The following EVI5 variants were observed in gnomAD, a reference collection of about 807,000 sequenced individuals.
The protein encoded by EVI5 is ecotropic viral integration site 5, also known as ecotropic viral integration site 5 protein homolog.
A neutral mutation model predicts 112.0 loss-of-function variants in EVI5; 73 were observed. The observed-to-expected ratio is 0.65, with a 90% CI of 0.54 to 0.79. EVI5 has a LOEUF of 0.79. Ranked by LOEUF, EVI5 falls within the 30% of genes least tolerant of loss-of-function variation. The pLI is 0.00. For missense variants in EVI5, 900 were observed against 968.8 expected (o/e 0.93, Z 0.94); for synonymous variants, 305 against 319.9 (o/e 0.95, Z 0.50).
At chr1:92,615,276 T>C (rs569415052) in intron 16 of EVI5, among the ~76,000 whole-genome samples, 44 of 152,156 alleles carry the variant, frequency 2.9e-4, no homozygotes, top group African/African-American at 8.4e-4. Flanking sequence ...ACTGGACAAA[T>C]TGATGAAAGA....
Position 92,636,396 on chromosome 1 carries a change from AAAC to A in EVI5, c.1393-63_1393-61del, listed in dbSNP as rs1658840746. The A allele has an allele frequency of 6.4e-6, 9 of 1,411,620 alleles. No individual in the cohort carries two copies. The Admixed American group carries it at 9.2e-5, about 14-fold the overall frequency. The allele number at this position is 1,411,620 out of a possible 1,614,324, so 87.4% of individuals were successfully genotyped here. A position where few individuals can be genotyped will look rare whatever the true frequency, so the allele number is the denominator to read the frequency against. On this transcript the variant is annotated intron_variant, in intron 13 of 19. Coordinates refer to ENST00000684568, the MANE Select transcript of EVI5 (RefSeq NM_001350197.2). The stretch of plus-strand genomic sequence containing the variant: ...AAGTATAAACATGTATATACAATAA[AAAC>A]AATGCAACCACATAATACAGTTATA...
At position 92,543,147 on chromosome 1, in the gene EVI5, C is replaced by G. The variant is rs959468271; in HGVS notation, c.2166+20495G>C. 4.6e-5 allele frequency among the ~76,000 whole-genome samples: 7 copies of G among 152,310 alleles called. No homozygotes were observed. The South Asian group carries it at 8.3e-4, about 18-fold the overall frequency. Reference sequence around the variant, plus strand: ...GGAAAGCCATAGAGGGCATCTTCCTCCGGTATAAGACTGTTGCATCTACAT... The same window carrying G: ...GGAAAGCCATAGAGGGCATCTTCCTGCGGTATAAGACTGTTGCATCTACAT... On this transcript the variant is annotated intron_variant, in intron 19 of 19. Coordinates refer to ENST00000684568, the MANE Select transcript of EVI5 (RefSeq NM_001350197.2).
chr1:92,519,536 C>G (rs892022140), intron 19 of EVI5, among the ~76,000 whole-genome samples: 1 of 152,106 alleles, frequency 6.6e-6, no homozygotes, highest in Non-Finnish European at 1.5e-5. Context: ...ACACTATTTC[C>G]ATACAACTGA....
At position 92,594,097 on chromosome 1, in the gene EVI5, T is replaced by C. The variant is rs866258725; in HGVS notation, c.2070+11210A>G. ...GTTCATATGGAACCAAAAAAGAGCC[T>C]GCATTGCCAAGTCAATCCTAAGCCA... On this transcript the variant is annotated intron_variant, in intron 18 of 19. Transcript: ENST00000684568. 3.9e-5 allele frequency among the ~76,000 whole-genome samples: 6 copies of C among 152,178 alleles called. No individual in the cohort carries two copies. The South Asian group carries it at 6.2e-4, about 16-fold the overall frequency.
chr1:92,644,316 G>A (rs903366769), intron 13 of EVI5, among the ~76,000 whole-genome samples: 4 of 152,146 alleles, frequency 2.6e-5, no homozygotes, highest in African/African-American at 9.7e-5. Flanking sequence ...ACACCACGAG[G>A]AAGGAATTAG....
chr1:92,730,584 A>T (rs1676300123), intron 2 of EVI5, among the ~76,000 whole-genome samples: 1 of 147,792 alleles, frequency 6.8e-6, no homozygotes, highest in Non-Finnish European at 1.5e-5. Context: ...CAGGAGGCTG[A>T]GGTGGAAGGA....
At position 92,663,456 on chromosome 1, in the gene EVI5, C is replaced by T; in HGVS notation, c.1213-4G>A. On this transcript the variant is annotated splice_region_variant and splice_polypyrimidine_tract_variant and intron_variant, in intron 11 of 19. Transcript: ENST00000684568. ...TATCTGCCAAGGAAGCACTTTCCTACAAAAGGAAAAATTCAGATAGAAATA... is the reference window on the plus strand; with the variant it reads ...TATCTGCCAAGGAAGCACTTTCCTATAAAAGGAAAAATTCAGATAGAAATA... The T allele has an allele frequency of 7.2e-7, 1 of 1,387,564 alleles. No individual in the cohort carries two copies. The highest frequency in any genetic ancestry group is 9.6e-7 in the Non-Finnish European group (1 of 1,038,220). 86.0% of individuals were successfully genotyped at this position (1,387,564 alleles called of 1,614,324 possible). A position where few individuals can be genotyped will look rare whatever the true frequency, so the allele number is the denominator to read the frequency against.
rs144050508 is a variant in EVI5, at chr1:92,615,035, T to A, written c.1828-7308A>T. 3.1e-3 allele frequency among the ~76,000 whole-genome samples: 465 copies of A among 152,008 alleles called. 2 individuals carry two copies. Among genetic ancestry groups the A allele is most frequent in the Admixed American group, 5.0e-3 (77 of 15,254 alleles). ...TTTGGGGGTTTCTGGAGTTGGCTGC[T>A]TAATACGGTAAGACCCAAAAATGCT... On this transcript the variant is annotated intron_variant, in intron 16 of 19. Transcript: ENST00000684568.
At chr1:92,716,450 A>G (rs931933887) in intron 2 of EVI5, among the ~76,000 whole-genome samples, 2 of 152,246 alleles carry the variant, frequency 1.3e-5, no homozygotes, top group African/African-American at 4.8e-5. Context: ...ATCCACACCA[A>G]AATCCCATGT....
intron 1 of EVI5, among the ~76,000 whole-genome samples, chr1:92,751,415 C>G (rs4847306): frequency 0.58 from 87,451 of 152,020 alleles, 26,920 homozygotes; most frequent in East Asian, 0.92. Context: ...TGCTATCAAT[C>G]TTATATTTTT....
intron 6 of EVI5, among the ~76,000 whole-genome samples, chr1:92,697,062 A>C (rs2102492932): frequency 6.6e-6 from 1 of 152,184 alleles, no homozygotes; most frequent in South Asian, 2.1e-4. Flanking sequence ...ATGAATAAAT[A>C]AAAAATAAAA....
intron 16 of EVI5, among the ~76,000 whole-genome samples, chr1:92,610,279 C>A (rs2101629814): frequency 6.6e-6 from 1 of 152,298 alleles, no homozygotes; most frequent in East Asian, 1.9e-4. Flanking sequence ...CCTCTTTTTA[C>A]TGTCTTACCT....
intron 18 of EVI5, among the ~76,000 whole-genome samples, chr1:92,602,388 T>C (rs1649362892): frequency 6.6e-6 from 1 of 151,948 alleles, no homozygotes; most frequent in Non-Finnish European, 1.5e-5. Context: ...AAAACACATT[T>C]ATTTTTATTA....
intron 19 of EVI5, among the ~76,000 whole-genome samples, chr1:92,539,193 T>G (rs1413049364): frequency 6.6e-6 from 1 of 152,086 alleles, no homozygotes; most frequent in Admixed American, 6.5e-5. Flanking sequence ...ACAAGATAAT[T>G]GAGGGATGGA....
intron 5 of EVI5, chr1:92,700,998 T>C (rs1671074939): frequency 1.3e-5 from 2 of 152,220 alleles, no homozygotes; most frequent in Admixed American, 1.3e-4. Flanking sequence ...TTGCATTGTA[T>C]TATTTATAAC....
rs1363533663 is a variant in EVI5, at chr1:92,694,227, T to C, written c.999+72A>G. 1.8e-5 allele frequency: 16 copies of C among 868,664 alleles called. No homozygotes were observed. In the East Asian group the frequency reaches 4.0e-4, roughly 22 times the overall value. 53.8% of individuals were successfully genotyped at this position (868,664 alleles called of 1,614,324 possible). Reference sequence around the variant, plus strand: ...TTGCAGTGAGCCAAGATCACGCCACTGCACTCCAGCCTGGGCAACAGAACT... The same window carrying C: ...TTGCAGTGAGCCAAGATCACGCCACCGCACTCCAGCCTGGGCAACAGAACT... On this transcript the variant is annotated intron_variant, in intron 8 of 19. Transcript: ENST00000684568.
chr1:92,539,717 C>A (rs1017644016), intron 19 of EVI5, among the ~76,000 whole-genome samples: 4 of 152,104 alleles, frequency 2.6e-5, no homozygotes, highest in African/African-American at 9.7e-5. Context: ...ATATAACTTG[C>A]CTTCCATACA....
At chr1:92,726,982 G>A (rs561869543) in intron 2 of EVI5, among the ~76,000 whole-genome samples, 2 of 152,076 alleles carry the variant, frequency 1.3e-5, no homozygotes, top group South Asian at 4.2e-4. Flanking sequence ...GTCAAAGATG[G>A]CAGAATTAAA....
chr1:92,665,898 A>C, intron 11 of EVI5, 41 bp downstream of exon 11: 1 of 1,366,232 alleles, frequency 7.3e-7, no homozygotes, highest in South Asian at 1.3e-5. Flanking sequence ...AAAAAACACC[A>C]GGCATTCAAC....
Sources: allele counts gnomAD v4.1 joint callset (sites outside exome capture counted in the v4.1 genomes callset), GRCh38; gene constraint gnomAD v4.1.1; transcripts MANE v1.5; gene names NCBI Gene and HGNC (gene_info 2026-07-23, HGNC 2026-07-21).